The following GSDME variants were observed in gnomAD, a reference collection of about 807,000 sequenced individuals.
GSDME encodes gasdermin E, also known as gasdermin-E.
GSDME carries 44 observed loss-of-function variants against 47.5 expected under a neutral mutation model. That is an observed-to-expected ratio of 0.93 (90% CI 0.73 to 1.19). The LOEUF is 1.19. GSDME is among the 50% of genes most tolerant of loss of function. The pLI, the probability that GSDME is intolerant of heterozygous loss-of-function variation, is 0.00. For missense variants in GSDME, 663 were observed against 604.2 expected, an observed-to-expected ratio of 1.10 and a Z score of -1.02; for synonymous variants, 258 against 252.8, an observed-to-expected ratio of 1.02 and a Z score of -0.20.
chr7:24,699,147 A>C lies in GSDME; in HGVS notation c.1370T>G (p.Ile457Ser). ...IVQRLFASAD[I>S]SLERLKSSVK... ...AGATGACTTCAGTCTCTCCAGACTA[A>C]TGTCAGCTGAGGCAAACAAGCGCTG... The change falls in exon 10 of 10, where the codon ATT becomes AGT. Residue 457 changes from isoleucine (I) to serine (S), a missense_variant. Ile to Ser is a moderately radical substitution (Grantham distance 142). Coordinates refer to ENST00000645220, the MANE Select transcript of GSDME (RefSeq NM_001127453.2). 1 of 1,614,186 alleles carries C rather than the reference A, an allele frequency of 6.2e-7. No individual in the cohort carries two copies. The highest frequency in any genetic ancestry group is 8.5e-7 in the Non-Finnish European group (1 of 1,180,022).
At chr7:24,703,810 A>G (rs1340375774) in intron 8 of GSDME, 1 of 152,252 alleles carries the variant, frequency 6.6e-6, no homozygotes, top group Non-Finnish European at 1.5e-5. Context: ...ATTTGTCTGA[A>G]GAGAAGATCC....
rs919758035 is a variant in GSDME, at chr7:24,733,235, T to G, written c.404+11327A>C. 2.0e-5 allele frequency among the ~76,000 whole-genome samples: 3 copies of G among 152,072 alleles called. No homozygotes were observed. The highest frequency in any genetic ancestry group is 4.4e-5 in the Non-Finnish European group (3 of 68,028). The stretch of plus-strand genomic sequence containing the variant: ...GTGACAGGATTCTTGTTCTTCTGAC[T>G]AAAGAGCCCTGGGCCCTGCATGATC... On this transcript the variant is annotated intron_variant, in intron 3 of 9. Coordinates refer to ENST00000645220, the MANE Select transcript of GSDME (RefSeq NM_001127453.2). The surrounding 1 kb of genome is among the most constrained non-coding windows in gnomAD (Gnocchi z 4.3).
chr7:24,731,468 CAA>C (rs764030134), intron 3 of GSDME, among the ~76,000 whole-genome samples: 3 of 152,232 alleles, frequency 2.0e-5, no homozygotes, highest in Admixed American at 6.5e-5. Flanking sequence ...GAGAGGAAAA[CAA>C]GAGCTCAAAC....
At chr7:24,747,194 T>G (rs1359361261) in intron 2 of GSDME, among the ~76,000 whole-genome samples, 1 of 152,214 alleles carries the variant, frequency 6.6e-6, no homozygotes, top group Non-Finnish European at 1.5e-5. Context: ...CTTTTCATAT[T>G]TAGTTATTTC....
rs544382620 is a variant in GSDME at position 24,719,064 on chromosome 7, G to A, written c.559C>T (p.Gln187Ter). The change falls in exon 4 of 10, where the codon CAG (glutamine) becomes TAG (stop). Residue 187 changes from glutamine to a stop codon, truncating the protein, a stop_gained. Coordinates refer to ENST00000645220, the MANE Select transcript of GSDME (RefSeq NM_001127453.2). LOFTEE classifies it high-confidence loss of function. The part of the protein sequence containing the change: ...EEKCGGIVGI[Q>*]TKTVQVSATE... Reference sequence around the variant, plus strand: ...GCACGCACCTGCACCGTCTTGGTCTGGATGCCCACGATGCCACCACACTTC... The same window carrying A: ...GCACGCACCTGCACCGTCTTGGTCTAGATGCCCACGATGCCACCACACTTC... 48 of 1,612,730 alleles carry A rather than the reference G, an allele frequency of 3.0e-5. No individual in the cohort carries two copies. Among genetic ancestry groups the A allele is most frequent in the Non-Finnish European group, 4.1e-5 (48 of 1,180,026 alleles).
intron 5 of GSDME, among the ~76,000 whole-genome samples, chr7:24,713,548 C>T (rs563168657): frequency 1.3e-5 from 2 of 152,322 alleles, no homozygotes; most frequent in African/African-American, 2.4e-5. Flanking sequence ...CAGAGAGAGG[C>T]GCAGCAGGCC....
the GSDME span, among the ~76,000 whole-genome samples, chr7:24,795,310 G>GCCCGGTA: frequency 6.6e-6 from 1 of 152,136 alleles, no homozygotes; most frequent in Non-Finnish European, 1.5e-5. Flanking sequence ...TGCCTCCACC[G>GCCCGGTA]CCCGGTAATC....
chr7:24,711,629 A>G (rs1432906713), intron 5 of GSDME, among the ~76,000 whole-genome samples: 1 of 152,070 alleles, frequency 6.6e-6, no homozygotes, highest in African/African-American at 2.4e-5. Context: ...GAGAGTAGCA[A>G]CATAGTGAGA....
chr7:24,718,199 G>A (rs565252446), intron 4 of GSDME, among the ~76,000 whole-genome samples: 1 of 152,358 alleles, frequency 6.6e-6, no homozygotes, highest in African/African-American at 2.4e-5. Context: ...CCCAGTAAGA[G>A]TGCTGGCCCC....
intron 9 of GSDME, among the ~76,000 whole-genome samples, chr7:24,701,598 A>G (rs1788873076): frequency 6.6e-6 from 1 of 152,222 alleles, no homozygotes; most frequent in Non-Finnish European, 1.5e-5. Context: ...AGTTGCTGCA[A>G]GAGGAGCTGA....
intron 2 of GSDME, among the ~76,000 whole-genome samples, chr7:24,746,004 G>A (rs1343015217): frequency 6.6e-6 from 1 of 152,010 alleles, no homozygotes; most frequent in African/African-American, 2.4e-5. Context: ...CCCTTCACAG[G>A]GGATTCAAAC....
At position 24,724,391 on chromosome 7, in the gene GSDME, G is replaced by A. The variant is rs532034817; in HGVS notation, c.405-5173C>T. Among the ~76,000 whole-genome samples the A allele has an allele frequency of 1.3e-5, 2 of 152,132 alleles. No individual in the cohort carries two copies. The highest frequency in any genetic ancestry group is 2.4e-5 in the African/African-American group (1 of 41,422). On this transcript the variant is annotated intron_variant, in intron 3 of 9. Transcript: ENST00000645220. The surrounding 1 kb of genome is among the most constrained non-coding windows in gnomAD (Gnocchi z 4.8). Reference sequence around the variant, plus strand: ...CCAATGCCCAAAGACAGGGAAAATGGAGCAGAAGCTCTTCCAGGAGAAAAT... The same window carrying A: ...CCAATGCCCAAAGACAGGGAAAATGAAGCAGAAGCTCTTCCAGGAGAAAAT...
rs377209294 is a variant in GSDME at position 24,706,566 on chromosome 7, C to G, written c.991-190G>C. Reference sequence around the variant, plus strand: ...TACATTTCACTGACGGGACAGTAAGCTGAACCTGGCCCACGAGGGTTGGGG... The same window carrying G: ...TACATTTCACTGACGGGACAGTAAGGTGAACCTGGCCCACGAGGGTTGGGG... On this transcript the variant is annotated intron_variant, in intron 7 of 9. Transcript: ENST00000645220. 1.1e-4 allele frequency among the ~76,000 whole-genome samples: 16 copies of G among 152,346 alleles called. 1 individual carries two copies. The highest frequency in any genetic ancestry group is 3.6e-4 in the African/African-American group (15 of 41,586).
intron 9 of GSDME, among the ~76,000 whole-genome samples, chr7:24,700,416 G>A (rs947950613): frequency 6.6e-6 from 1 of 152,038 alleles, no homozygotes; most frequent in African/African-American, 2.4e-5. Context: ...AGGCATTCAA[G>A]ATCTGATTAA....
At chr7:24,702,696 G>A in intron 9 of GSDME, 64 bp downstream of exon 9, 6 of 1,381,680 alleles carry the variant, frequency 4.3e-6, no homozygotes, top group Non-Finnish European at 5.1e-6. Context: ...GCTGCTGGAT[G>A]TCTACCCCCT....
intron 3 of GSDME, among the ~76,000 whole-genome samples, chr7:24,723,147 A>C (rs772455737): frequency 1.7e-4 from 26 of 152,210 alleles, no homozygotes; most frequent in Admixed American, 1.2e-3. Flanking sequence ...TTTGGAAACC[A>C]AATGCTGGAA....
upstream of GSDME, among the ~76,000 whole-genome samples, chr7:24,758,364 G>T (rs975375662): frequency 6.6e-6 from 1 of 152,226 alleles, no homozygotes; most frequent in African/African-American, 2.4e-5. This position sits in a 1 kb window ranked among gnomAD's most constrained non-coding sequence, Gnocchi z 4.6. Context: ...TTTGCCTCTT[G>T]TCTCCTTGCC....
At chr7:24,731,222 C>T (rs1790133916) in intron 3 of GSDME, among the ~76,000 whole-genome samples, 1 of 152,194 alleles carries the variant, frequency 6.6e-6, no homozygotes, top group Admixed American at 6.5e-5. Context: ...GCTCCATACA[C>T]CTTTACTTAA....
the GSDME span, among the ~76,000 whole-genome samples, chr7:24,784,984 C>T: frequency 6.6e-6 from 1 of 152,170 alleles, no homozygotes; most frequent in African/African-American, 2.4e-5. Context: ...ATAGACACAG[C>T]CAGGGACAAT....
Sources: gnomAD v4.1 joint callset for allele counts (sites outside exome capture counted in the v4.1 genomes callset) on GRCh38, gnomAD v4.1.1 for gene constraint, Gnocchi (gnomAD v3.1) non-coding constraint, MANE v1.5 for transcripts, NCBI Gene and HGNC (gene_info 2026-07-23, HGNC 2026-07-21) for gene names.